The following DHX37 variants were observed in gnomAD, a reference collection of about 807,000 sequenced individuals.
DHX37 encodes the protein DEAH-box helicase 37.
A neutral mutation model predicts 134.3 loss-of-function variants in DHX37; 52 were observed. That is an observed-to-expected ratio of 0.39 (90% CI 0.31 to 0.49). DHX37 has a LOEUF of 0.49. DHX37 is among the 20% of genes least tolerant of loss of function. DHX37 has a pLI of 0.93. For synonymous variants in DHX37, 634 were observed against 670.7 expected, an observed-to-expected ratio of 0.95 and a Z score of 0.85; for missense variants, 1,344 against 1,580.8, an observed-to-expected ratio of 0.85 and a Z score of 2.54.
chr12:124,985,672 A>G (rs1243828883), intron 2 of DHX37, among the ~76,000 whole-genome samples: 2 of 151,282 alleles, frequency 1.3e-5, no homozygotes, highest in African/African-American at 2.4e-5. Context: ...ACTTGATACC[A>G]GGAGAACCCA....
rs35177301 is a variant in DHX37 at position 124,966,986 on chromosome 12, G to T, written c.1505-108C>A. ...GCCACTCAGTGGTGGCCATTTATTC[G>T]GGGGTGAGGTGGGGGATGGCAAAGG... On this transcript the variant is annotated intron_variant, in intron 11 of 26. Transcript: ENST00000308736. The T allele has an allele frequency of 0.029, 45,127 of 1,541,782 alleles. 823 individuals are homozygous for T. The highest frequency in any genetic ancestry group is 0.034 in the Non-Finnish European group (37,520 of 1,116,454).
At chr12:124,970,490 TCTC>T (rs1463718968) in intron 8 of DHX37, among the ~76,000 whole-genome samples, 1 of 152,072 alleles carries the variant, frequency 6.6e-6, no homozygotes. Flanking sequence ...CAGTCAGACT[TCTC>T]CTCGCTCTGC....
At chr12:124,977,515 T>C in intron 4 of DHX37, 25 bp from the exon 5 acceptor site, 1 of 1,577,258 alleles carries the variant, frequency 6.3e-7, no homozygotes, top group Non-Finnish European at 8.6e-7. Flanking sequence ...AGTCAGCACT[T>C]AGGGAGCAGC....
intron 4 of DHX37, 131 bp from the exon 5 acceptor site, chr12:124,977,621 TG>T: frequency 9.0e-7 from 1 of 1,107,298 alleles, no homozygotes; most frequent in East Asian, 3.0e-5. Flanking sequence ...CCCTGACAGC[TG>T]GGGAGGGGAC....
chr12:124,966,101 G>A (rs779932339), intron 12 of DHX37, among the ~76,000 whole-genome samples: 8 of 151,964 alleles, frequency 5.3e-5, no homozygotes, highest in East Asian at 1.9e-4. Flanking sequence ...AGTCAGAGAC[G>A]GCTGAGTGCT....
intron 1 of DHX37, among the ~76,000 whole-genome samples, chr12:124,986,646 G>A (rs1954879077): frequency 6.6e-6 from 1 of 151,914 alleles, no homozygotes; most frequent in Non-Finnish European, 1.5e-5. Flanking sequence ...GGGAGGTGGA[G>A]GTTGCAGTGA....
intron 16 of DHX37, among the ~76,000 whole-genome samples, chr12:124,959,353 G>A (rs1179106615): frequency 4.0e-5 from 6 of 151,854 alleles, no homozygotes; most frequent in African/African-American, 1.2e-4. Flanking sequence ...GATTACAGGC[G>A]TGAGCCACCA....
chr12:124,971,841 G>C (rs1418118281), intron 7 of DHX37, among the ~76,000 whole-genome samples: 1 of 152,208 alleles, frequency 6.6e-6, no homozygotes, highest in Non-Finnish European at 1.5e-5. Flanking sequence ...CTCTGGACAC[G>C]CGTGCCACCC....
At position 124,968,569 on chromosome 12, in the gene DHX37, C is replaced by T. The variant is rs11057939; in HGVS notation, c.1373G>A (p.Arg458Gln). The T allele has an allele frequency of 0.13, 214,297 of 1,613,866 alleles. 15,926 individuals are homozygous for T. Among genetic ancestry groups the T allele is most frequent in the Non-Finnish European group, 0.15 (179,540 of 1,180,024 alleles). The change falls in exon 10 of 27, where the codon CGG (arginine) becomes CAG (glutamine). Residue 458 changes from arginine to glutamine, a missense_variant. Transcript: ENST00000308736. ...PLEDYSGECF[R>Q]KVCKIHRMLP... ...CATCCGGTGGATCTTGCAGACCTTC[C>T]GGAAGCACTCGCCACTGTAGTCTTC...
At chr12:124,970,572 A>G (rs1237829200) in intron 8 of DHX37, among the ~76,000 whole-genome samples, 2 of 152,074 alleles carry the variant, frequency 1.3e-5, no homozygotes, top group Non-Finnish European at 2.9e-5. Flanking sequence ...TTTCGGGTGA[A>G]GCCCTCACTA....
At position 124,947,681 on chromosome 12, in the gene DHX37, G is replaced by C; in HGVS notation, c.*121C>G. On this transcript the variant is annotated 3_prime_UTR_variant, in exon 27 of 27. Coordinates refer to ENST00000308736, the MANE Select transcript of DHX37 (RefSeq NM_032656.4). ...TCATGGATGAGGGTTCCCAGGGCTT[G>C]ACCCACTTCCTGAGAGCAGGCCACG... 7.6e-7 allele frequency: 1 copy of C among 1,312,918 alleles called. No homozygotes were observed. The highest frequency in any genetic ancestry group is 1.6e-5 in the South Asian group (1 of 62,438). The allele number at this position is 1,312,918 out of a possible 1,614,324, so 81.3% of individuals were successfully genotyped here.
intron 16 of DHX37, among the ~76,000 whole-genome samples, chr12:124,959,295 G>T (rs945923227): frequency 6.6e-6 from 1 of 151,972 alleles, no homozygotes; most frequent in African/African-American, 2.4e-5. Flanking sequence ...AGCTGGTCTT[G>T]AACTCCTGAC....
In DHX37 at chr12:124,953,684, T is replaced by A. The variant is rs910962014; in HGVS notation, c.2695+196A>T. On this transcript the variant is annotated intron_variant, in intron 20 of 26. Coordinates refer to ENST00000308736, the MANE Select transcript of DHX37 (RefSeq NM_032656.4). The stretch of plus-strand genomic sequence containing the variant: ...GGAGGGTGCAGGCTGGCAGCTCGAA[T>A]CTGTTAGTGCCCTGCTCATGTGCAC... 3 of 989,838 alleles carry A rather than the reference T, an allele frequency of 3.0e-6. No homozygotes were observed. In the African/African-American group the frequency reaches 4.9e-5, roughly 16 times the overall value. The allele number at this position is 989,838 out of a possible 1,614,324, so 61.3% of individuals were successfully genotyped here.
chr12:124,960,169 C>T (rs1954203437), intron 16 of DHX37, 143 bp downstream of exon 16: 1 of 1,406,884 alleles, frequency 7.1e-7, no homozygotes, highest in Admixed American at 2.3e-5. Context: ...CCCAGAAGCC[C>T]TGGGAGCACC....
At chr12:124,983,678 G>A (rs1056668355) in intron 2 of DHX37, among the ~76,000 whole-genome samples, 1 of 151,790 alleles carries the variant, frequency 6.6e-6, no homozygotes, top group Admixed American at 6.6e-5. Context: ...CCAGCTACCC[G>A]GGAGGCTGAG....
At position 124,954,113 on chromosome 12, in the gene DHX37, T is replaced by A; in HGVS notation, c.2552A>T (p.Lys851Met). ...RTWAGQGASL[K>M]LGDLMVLLGA... is the part of the protein sequence containing the mutation. ...CAGCAGCACCATGAGGTCGCCGAGC[T>A]TCAGAGAAGCCCCCTGCCCTGCCCA... is the stretch of plus-strand genomic sequence containing the variant. Residue 851 changes from lysine (K) to methionine (M), a missense_variant, in exon 19 of 27, where the codon AAG (lysine) becomes ATG (methionine). Physicochemically the swap from Lys to Met is moderately conservative, Grantham distance 95. Around this residue, in one of 7 missense-constraint regions of DHX37, gnomAD observed 558 missense variants for 650.0 expected, o/e 0.86. Coordinates refer to ENST00000308736, the MANE Select transcript of DHX37 (RefSeq NM_032656.4). The A allele has an allele frequency of 6.2e-7, 1 of 1,610,832 alleles. No homozygotes were observed. The highest frequency in any genetic ancestry group is 8.5e-7 in the Non-Finnish European group (1 of 1,178,272).
rs371393599 is a variant in DHX37, at chr12:124,946,864, C to G, written c.*938G>C. On this transcript the variant is annotated 3_prime_UTR_variant, in exon 27 of 27. Transcript: ENST00000308736. ...CATTTTATTCCATAACTGTCTCCAC[C>G]GAAGCCGCAGAAGCAAAGCCAGGAG... The G allele has an allele frequency of 3.5e-4, 53 of 152,250 alleles. No homozygotes were observed. Among genetic ancestry groups the G allele is most frequent in the African/African-American group, 1.3e-3 (52 of 41,450 alleles). The allele number at this position is 152,250 out of a possible 1,614,324, so 9.4% of individuals were successfully genotyped here.
At position 124,952,391 on chromosome 12, in the gene DHX37, G is replaced by T. The variant is rs963571003; in HGVS notation, c.2868+7C>A. The T allele has an allele frequency of 2.5e-6, 4 of 1,603,542 alleles. No individual in the cohort carries two copies. The African/African-American group carries it at 5.4e-5, about 21-fold the overall frequency. ...CTACCCGGGCAGGGAGGCGGTGGGG[G>T]CCGCACCTTGTAGGCGTTCCTCCAC... On this transcript the variant is annotated splice_region_variant and intron_variant, in intron 21 of 26. Transcript: ENST00000308736.
At position 124,950,258 on chromosome 12, in the gene DHX37, C is replaced by G. The variant is rs774403226; in HGVS notation, c.3122-15G>C. The G allele has an allele frequency of 6.8e-6, 11 of 1,613,166 alleles. No homozygotes were observed. The highest frequency in any genetic ancestry group is 1.7e-5 in the Admixed American group (1 of 59,976). On this transcript the variant is annotated splice_polypyrimidine_tract_variant and intron_variant, in intron 23 of 26. Coordinates refer to ENST00000308736, the MANE Select transcript of DHX37 (RefSeq NM_032656.4). Reference sequence around the variant, plus strand: ...GCCCACGCGATCTAGAAGGTGGGAGCCAGTGAGACAGGGACCCTCCTGCAG... The same window carrying G: ...GCCCACGCGATCTAGAAGGTGGGAGGCAGTGAGACAGGGACCCTCCTGCAG...
Sources: allele counts gnomAD v4.1 joint callset (sites outside exome capture counted in the v4.1 genomes callset), GRCh38; gene constraint gnomAD v4.1.1; regional missense constraint gnomAD v4.1.1; transcripts MANE v1.5; gene names NCBI Gene and HGNC (gene_info 2026-07-23, HGNC 2026-07-21).